The following TRMT11 variants were observed in gnomAD, a reference collection of about 807,000 sequenced individuals.
TRMT11 encodes the protein tRNA methyltransferase 11.
A neutral mutation model predicts 62.8 loss-of-function variants in TRMT11; 53 were observed. That is an observed-to-expected ratio of 0.84 (90% confidence interval 0.68 to 1.06). The LOEUF is 1.06. Ranked by LOEUF, TRMT11 falls within the 50% of genes least tolerant of loss-of-function variation. The probability of loss-of-function intolerance (pLI) is 0.00; values close to 1 mark genes in which losing one functional copy is unlikely to be tolerated. For synonymous variants in TRMT11, 188 were observed against 190.3 expected (o/e 0.99, Z 0.10); for missense variants, 556 against 553.4 (o/e 1.00, Z -0.05).
chr6:126,123,946 T>A (rs1404200915), intron 21 of TRMT11, among the ~76,000 whole-genome samples: 2 of 152,034 alleles, frequency 1.3e-5, no homozygotes, highest in African/African-American at 4.8e-5. Context: ...TCTGGGTTTT[T>A]AAAATAATAT....
At chr6:126,014,412 C>T (rs1396255774) in intron 11 of TRMT11, among the ~76,000 whole-genome samples, 18 of 151,868 alleles carry the variant, frequency 1.2e-4, no homozygotes, top group African/African-American at 2.7e-4. Flanking sequence ...CACCACGGCC[C>T]GCTAAGTTTT....
At chr6:126,019,125 C>T (rs2127978369) in intron 11 of TRMT11, among the ~76,000 whole-genome samples, 1 of 152,298 alleles carries the variant, frequency 6.6e-6, no homozygotes, top group South Asian at 2.1e-4. Context: ...GGTGATCCAC[C>T]TGCCTTGGCC....
At chr6:126,191,912 G>T (rs1778605654) in intron 1 of TRMT11, among the ~76,000 whole-genome samples, 1 of 151,940 alleles carries the variant, frequency 6.6e-6, no homozygotes, top group Non-Finnish European at 1.5e-5. Context: ...CCTCAGAATT[G>T]CTTTTTTATT....
chr6:126,122,573 A>G (rs1777662797), intron 21 of TRMT11, among the ~76,000 whole-genome samples: 1 of 152,152 alleles, frequency 6.6e-6, no homozygotes, highest in Admixed American at 6.6e-5. Context: ...GCCCCACACC[A>G]GAAGGAAGGA....
At chr6:126,137,104 G>T (rs973813607) in intron 21 of TRMT11, among the ~76,000 whole-genome samples, 1 of 151,596 alleles carries the variant, frequency 6.6e-6, no homozygotes. Context: ...GACTTCAAAA[G>T]CACAGGCAAC....
At chr6:126,261,630 G>A in the TRMT11 span, among the ~76,000 whole-genome samples, 1 of 152,138 alleles carries the variant, frequency 6.6e-6, no homozygotes, top group Non-Finnish European at 1.5e-5. Context: ...TTTTAGTGAG[G>A]TACGGTGCAT....
intron 21 of TRMT11, among the ~76,000 whole-genome samples, chr6:126,134,616 G>A (rs1777829656): frequency 6.6e-6 from 1 of 151,884 alleles, no homozygotes. Flanking sequence ...AAACATTGCT[G>A]TTTGACTGTA....
chr6:126,043,420 A>G (rs1023396934), downstream of TRMT11, among the ~76,000 whole-genome samples: 5 of 151,092 alleles, frequency 3.3e-5, no homozygotes, highest in Non-Finnish European at 7.4e-5. Flanking sequence ...TCCATGGTGT[A>G]TATGTGCCAC....
At chr6:126,018,941 C>T (rs935867736) in intron 11 of TRMT11, among the ~76,000 whole-genome samples, 1 of 152,060 alleles carries the variant, frequency 6.6e-6, no homozygotes, top group Non-Finnish European at 1.5e-5. Context: ...AGTGCAGTGG[C>T]GTGATCTCGG....
chr6:126,188,522 G>A (rs1278098486), intron 1 of TRMT11, among the ~76,000 whole-genome samples: 1 of 152,050 alleles, frequency 6.6e-6, no homozygotes, highest in Non-Finnish European at 1.5e-5. Context: ...TCAGATCAGT[G>A]CTATTGTGAA....
chr6:126,120,644 T>C (rs1015009148), intron 21 of TRMT11, among the ~76,000 whole-genome samples: 2 of 152,164 alleles, frequency 1.3e-5, no homozygotes, highest in African/African-American at 4.8e-5. Flanking sequence ...TAGAATAACA[T>C]TTGGCACCTG....
intron 16 of TRMT11, among the ~76,000 whole-genome samples, chr6:126,048,738 C>T (rs1396643488): frequency 1.3e-5 from 2 of 151,048 alleles, no homozygotes; most frequent in Non-Finnish European, 2.9e-5. Context: ...TGCCAAAAGT[C>T]GACCTTGTTG....
intron 21 of TRMT11, among the ~76,000 whole-genome samples, chr6:126,157,195 C>G (rs943907921): frequency 1.3e-5 from 2 of 152,144 alleles, no homozygotes; most frequent in Non-Finnish European, 2.9e-5. Context: ...TCTGATACCT[C>G]GTCCACACTT....
chr6:126,202,406 TCA>T (rs1778742738), downstream of TRMT11, among the ~76,000 whole-genome samples: 2 of 152,222 alleles, frequency 1.3e-5, no homozygotes, highest in South Asian at 4.1e-4. Context: ...TGCATGTGCC[TCA>T]CAAATATTTT....
chr6:125,998,158 T>C, intron 4 of TRMT11, 24 bp downstream of exon 4: 9 of 1,603,424 alleles, frequency 5.6e-6, no homozygotes, highest in Non-Finnish European at 7.7e-6. Context: ...TGTGGTTTTA[T>C]ATAGGCATGC....
intron 17 of TRMT11, among the ~76,000 whole-genome samples, chr6:126,104,397 C>G (rs1317515734): frequency 6.6e-6 from 1 of 152,168 alleles, no homozygotes; most frequent in East Asian, 1.9e-4. Flanking sequence ...AAGAACCCAA[C>G]CTGGAGGAAC....
intron 21 of TRMT11, among the ~76,000 whole-genome samples, chr6:126,167,271 G>T (rs1008314957): frequency 1.3e-5 from 2 of 152,210 alleles, no homozygotes; most frequent in Non-Finnish European, 2.9e-5. Flanking sequence ...CTCCTGGTCT[G>T]TGGGTTGCGA....
chr6:126,074,750 A>G (rs1776963984), intron 17 of TRMT11, among the ~76,000 whole-genome samples: 1 of 152,140 alleles, frequency 6.6e-6, no homozygotes, highest in South Asian at 2.1e-4. Flanking sequence ...ATAGTAACTT[A>G]CTTAATTCAC....
intron 12 of TRMT11, among the ~76,000 whole-genome samples, chr6:126,031,288 T>C (rs1282607407): frequency 6.6e-6 from 1 of 152,206 alleles, no homozygotes; most frequent in Non-Finnish European, 1.5e-5. Context: ...TTGTATACTT[T>C]ATTTCTCTTA....
Sources: gnomAD v4.1 joint callset for allele counts (sites outside exome capture counted in the v4.1 genomes callset) on GRCh38, gnomAD v4.1.1 for gene constraint, MANE v1.5 for transcripts, NCBI Gene and HGNC (gene_info 2026-07-23, HGNC 2026-07-21) for gene names.